Variants in IQSEC3 observed in about 807,000 individuals in gnomAD.
IQSEC3 encodes the protein IQ motif and SEC7 domain-containing protein 3.
IQSEC3 carries 50 observed loss-of-function variants against 105.4 expected under a neutral mutation model. The observed-to-expected ratio is 0.47, with a 90% confidence interval of 0.38 to 0.60. The LOEUF (loss-of-function observed/expected upper bound fraction) is 0.60. IQSEC3 is among the 20% of genes least tolerant of loss of function. The pLI, the probability that IQSEC3 is intolerant of heterozygous loss-of-function variation, is 0.00. For synonymous variants in IQSEC3, 708 were observed against 746.0 expected (o/e 0.95, Z 0.83); for missense variants, 1,415 against 1,630.0 (o/e 0.87, Z 2.27).
In IQSEC3 at chr12:157,142, C is replaced by T. The variant is rs782278835; in HGVS notation, c.2271C>T (p.Ala757=). Reference sequence around the variant, plus strand: ...AGAAGGTGGAGCGGCTCATTGAGGCCTTCAGGTAAGGCCGCTTCCCAGCTC... The same window carrying T: ...AGAAGGTGGAGCGGCTCATTGAGGCTTTCAGGTAAGGCCGCTTCCCAGCTC... ...EAQKVERLIE[A]FSQRYCMCNP... The change falls in exon 6 of 14, where the codon GCC becomes GCT. Residue 757 remains alanine, a synonymous_variant. Coordinates refer to ENST00000538872, the MANE Select transcript of IQSEC3 (RefSeq NM_001170738.2). The T allele has an allele frequency of 3.2e-6, 5 of 1,581,926 alleles. No homozygotes were observed. Among genetic ancestry groups the T allele is most frequent in the Non-Finnish European group, 4.3e-6 (5 of 1,164,176 alleles).
chr12:75,609 T>G (rs1475429589), intron 1 of IQSEC3, among the ~76,000 whole-genome samples: 3 of 152,210 alleles, frequency 2.0e-5, no homozygotes, highest in Admixed American at 1.3e-4. Flanking sequence ...GGCAGGAAGA[T>G]GTGGGCAGGA....
chr12:103,951 T>C (rs186903485), intron 2 of IQSEC3, among the ~76,000 whole-genome samples: 135 of 70,350 alleles, frequency 1.9e-3, no homozygotes, highest in Admixed American at 9.1e-3. Flanking sequence ...CCCCTAGGCC[T>C]CCAGAGCAAG....
chr12:162,076 A>C lies in IQSEC3; in HGVS notation c.2583+11A>C, dbSNP rs782619539. The stretch of plus-strand genomic sequence containing the variant: ...GTGGGCATGAAGACAGTGAGTGTCC[A>C]CAAGCTACCTATCTCCCGTCTCCTT... On this transcript the variant is annotated intron_variant, in intron 8 of 13. Coordinates refer to ENST00000538872, the MANE Select transcript of IQSEC3 (RefSeq NM_001170738.2). The C allele has an allele frequency of 4.3e-6, 7 of 1,613,292 alleles. No individual in the cohort carries two copies. The East Asian group carries it at 1.1e-4, about 26-fold the overall frequency.
At chr12:120,374 C>CGG (rs1865179650) in intron 2 of IQSEC3, among the ~76,000 whole-genome samples, 1 of 152,100 alleles carries the variant, frequency 6.6e-6, no homozygotes, top group African/African-American at 2.4e-5. Flanking sequence ...ACGGAGTGGA[C>CGG]AGGTCACTCG....
chr12:152,511 G>A lies in IQSEC3; in HGVS notation c.2154-4514G>A, dbSNP rs745963664. Among the ~76,000 whole-genome samples, 9 of 152,242 alleles carry A rather than the reference G, an allele frequency of 5.9e-5. No homozygotes were observed. Among genetic ancestry groups the A allele is most frequent in the Non-Finnish European group, 8.8e-5 (6 of 68,054 alleles). ...GCAAGGAATGAGATGTGTGCAGCAC[G>A]CCTGTAGGGCTGGCTGTCTAGTGTA... is the stretch of plus-strand genomic sequence containing the variant. On this transcript the variant is annotated intron_variant, in intron 5 of 13. Transcript: ENST00000538872. The surrounding 1 kb of genome is among the most constrained non-coding windows in gnomAD (Gnocchi z 4.8).
At chr12:143,504 C>T (rs1231811089) in intron 5 of IQSEC3, 2 of 153,110 alleles carry the variant, frequency 1.3e-5, no homozygotes, top group Non-Finnish European at 2.9e-5. Context: ...ATTGGTAGCA[C>T]TGCCCTAAAC....
intron 1 of IQSEC3, among the ~76,000 whole-genome samples, chr12:73,060 A>G (rs1173519828): frequency 5.3e-4 from 9 of 17,058 alleles, no homozygotes; most frequent in African/African-American, 7.9e-4. Flanking sequence ...ATAAATAAAT[A>G]AATAAATAAA....
intron 13 of IQSEC3, among the ~76,000 whole-genome samples, chr12:172,730 C>G (rs1309658626): frequency 6.6e-6 from 1 of 152,238 alleles, no homozygotes; most frequent in African/African-American, 2.4e-5. Context: ...TCTCCCCACT[C>G]CCCTCATTCT....
In IQSEC3 at chr12:172,612, C is replaced by A. The variant is rs76782994; in HGVS notation, c.3114+1451C>A. Among the ~76,000 whole-genome samples the A allele has an allele frequency of 6.1e-3, 936 of 152,334 alleles. 65 individuals carry two copies. In the South Asian group the frequency reaches 0.16, roughly 26 times the overall value. On this transcript the variant is annotated intron_variant, in intron 13 of 13. Transcript: ENST00000538872. ...CACGGCCTCAGCTGGACCCCAGGCT[C>A]TCTCTCCTCTGCCCTCTCTCTGCCG... is the stretch of plus-strand genomic sequence containing the variant.
intron 13 of IQSEC3, 96 bp from the exon 14 acceptor site, chr12:174,503 T>A (rs1271876673): frequency 1.2e-5 from 13 of 1,103,204 alleles, no homozygotes; most frequent in Non-Finnish European, 1.6e-5. Flanking sequence ...GGGCTGAGAG[T>A]GGGAGGGAGG....
At chr12:74,629 T>C (rs1863448847) in intron 1 of IQSEC3, among the ~76,000 whole-genome samples, 1 of 152,258 alleles carries the variant, frequency 6.6e-6, no homozygotes, top group South Asian at 2.1e-4. Context: ...CCTGTCCAAG[T>C]CCCTGCCCAG....
At chr12:132,943 G>A (rs536558916) in intron 3 of IQSEC3, among the ~76,000 whole-genome samples, 1 of 152,314 alleles carries the variant, frequency 6.6e-6, no homozygotes, top group South Asian at 2.1e-4. Context: ...AAGATACAGG[G>A]TCAGCAGGAT....
intron 1 of IQSEC3, among the ~76,000 whole-genome samples, chr12:82,988 A>G (rs576726560): frequency 5.3e-5 from 8 of 152,332 alleles, no homozygotes; most frequent in Non-Finnish European, 7.3e-5. Flanking sequence ...GGCTCTCAGG[A>G]GGTTCTGACG....
chr12:109,661 ACTGCAC>A (rs1864812474), intron 2 of IQSEC3, among the ~76,000 whole-genome samples: 1 of 151,914 alleles, frequency 6.6e-6, no homozygotes, highest in South Asian at 2.1e-4. Context: ...CAGTGGCCGC[ACTGCAC>A]CCTTTCCCAG....
chr12:121,658 C>T (rs1445353161), intron 2 of IQSEC3, among the ~76,000 whole-genome samples: 1 of 152,112 alleles, frequency 6.6e-6, no homozygotes, highest in African/African-American at 2.4e-5. Context: ...TGGGAAAACC[C>T]TACTTTTTCA....
chr12:149,806 G>A (rs1046674598), intron 5 of IQSEC3, among the ~76,000 whole-genome samples: 1 of 152,176 alleles, frequency 6.6e-6, no homozygotes, highest in Non-Finnish European at 1.5e-5. Flanking sequence ...AGAAATAACA[G>A]CATGCACCAA....
chr12:86,799 C>A (rs1161676801), intron 1 of IQSEC3, among the ~76,000 whole-genome samples: 1 of 152,044 alleles, frequency 6.6e-6, no homozygotes, highest in Non-Finnish European at 1.5e-5. Context: ...CTCCCTTTTA[C>A]AGTTCAGGAG....
rs116592400 is a variant in IQSEC3, at chr12:124,833, T to C, written c.624-800T>C. Among the ~76,000 whole-genome samples the C allele has an allele frequency of 3.4e-3, 520 of 152,324 alleles. 2 individuals are homozygous for C. The highest frequency in any genetic ancestry group is 0.012 in the African/African-American group (495 of 41,570). ...ACTCTACAAAGCAGGCTGGACCATG[T>C]CTGCTCCAGGCAGCAAGGTGTCTTC... On this transcript the variant is annotated intron_variant, in intron 2 of 13. Transcript: ENST00000538872.
chr12:97,539 G>A (rs1465935887), intron 1 of IQSEC3, among the ~76,000 whole-genome samples: 5 of 152,316 alleles, frequency 3.3e-5, no homozygotes, highest in Non-Finnish European at 5.9e-5. Context: ...GCTCAGACAG[G>A]TGTGATGGCT....
Sources: allele counts gnomAD v4.1 joint callset (sites outside exome capture counted in the v4.1 genomes callset), GRCh38; gene constraint gnomAD v4.1.1; non-coding constraint Gnocchi (gnomAD v3.1); transcripts MANE v1.5; gene names NCBI Gene and HGNC (gene_info 2026-07-23, HGNC 2026-07-21).